The following NEDD4L variants were observed in gnomAD, a reference collection of about 807,000 sequenced individuals.
NEDD4L encodes NEDD4 like E3 ubiquitin protein ligase.
A neutral mutation model predicts 148.9 loss-of-function variants in NEDD4L; 54 were observed. That is an observed-to-expected ratio of 0.36 (90% CI 0.29 to 0.45). The LOEUF is 0.45. NEDD4L is among the 20% of genes least tolerant of loss of function. The pLI is 1.00. For synonymous variants in NEDD4L, 433 were observed against 440.7 expected (o/e 0.98, Z 0.22); for missense variants, 856 against 1,233.8 (o/e 0.69, Z 4.59).
At chr18:58,297,797 T>C (rs1046055359) in intron 5 of NEDD4L, among the ~76,000 whole-genome samples, 1 of 152,186 alleles carries the variant, frequency 6.6e-6, no homozygotes, top group Non-Finnish European at 1.5e-5. Flanking sequence ...TTGGTAAATA[T>C]CTCTGTGTGC....
In NEDD4L at chr18:58,386,769, G is replaced by A. The variant is rs145088076; in HGVS notation, c.2488-670G>A. Among the ~76,000 whole-genome samples, 43 of 152,298 alleles carry A rather than the reference G, an allele frequency of 2.8e-4. No homozygotes were observed. In the East Asian group the frequency reaches 4.8e-3, roughly 17 times the overall value. ...TCACTCAGGTACCTACACAGGATGC[G>A]TGAAAGCCCGGGCAGCACACTCAGA... On this transcript the variant is annotated intron_variant, in intron 26 of 30. Coordinates refer to ENST00000400345, the MANE Select transcript of NEDD4L (RefSeq NM_001144967.3).
chr18:58,361,389 T>G (rs8085125), intron 19 of NEDD4L, among the ~76,000 whole-genome samples: 51,274 of 152,120 alleles, frequency 0.34, 9,257 homozygotes, highest in African/African-American at 0.46. Context: ...GTAAGTGATG[T>G]TCACACATGC....
At chr18:58,308,528 G>A (rs1048784214) in intron 5 of NEDD4L, among the ~76,000 whole-genome samples, 4 of 152,222 alleles carry the variant, frequency 2.6e-5, no homozygotes, top group Admixed American at 6.5e-5. Flanking sequence ...AGAGGCAGTC[G>A]TTTCCCCTAG....
intron 5 of NEDD4L, 104 bp from the exon 6 acceptor site, chr18:58,315,877 GC>G: frequency 2.0e-6 from 2 of 1,019,886 alleles, no homozygotes; most frequent in Middle Eastern, 2.0e-4. Flanking sequence ...ACATTCCAGT[GC>G]CAGGCCCTGG....
At position 58,398,522 on chromosome 18, in the gene NEDD4L, A is replaced by C. The variant is rs926606322; in HGVS notation, c.*2253A>C. ...AGTATAAAAGAAAAATCATTCTGAC[A>C]ATTTCTAAGCCAGAAGCAAACAAGA... On this transcript the variant is annotated 3_prime_UTR_variant, in exon 31 of 31. Transcript: ENST00000400345. 3 of 152,236 alleles carry C rather than the reference A, an allele frequency of 2.0e-5. No homozygotes were observed. Among genetic ancestry groups the C allele is most frequent in the Non-Finnish European group, 4.4e-5 (3 of 68,044 alleles). 9.4% of individuals were successfully genotyped at this position (152,236 alleles called of 1,614,324 possible). A position where few individuals can be genotyped will look rare whatever the true frequency, so the allele number is the denominator to read the frequency against.
chr18:58,092,625 C>T (rs1319595885), intron 1 of NEDD4L, among the ~76,000 whole-genome samples: 1 of 151,926 alleles, frequency 6.6e-6, no homozygotes, highest in Non-Finnish European at 1.5e-5. Flanking sequence ...ACTGGCTCTG[C>T]AAGCCACTCA....
At chr18:58,159,952 A>T (rs1599218777) in intron 1 of NEDD4L, among the ~76,000 whole-genome samples, 1 of 152,370 alleles carries the variant, frequency 6.6e-6, no homozygotes, top group East Asian at 1.9e-4. Flanking sequence ...CTGGGGTCAC[A>T]GTGGCTCCCT....
intron 5 of NEDD4L, among the ~76,000 whole-genome samples, chr18:58,281,751 C>T (rs1295504104): frequency 1.3e-5 from 2 of 151,746 alleles, no homozygotes; most frequent in African/African-American, 2.4e-5. Flanking sequence ...GTTGGCTGGG[C>T]GCGGTGGCTC....
chr18:58,095,402 G>A (rs541925874), intron 1 of NEDD4L, among the ~76,000 whole-genome samples: 1 of 152,320 alleles, frequency 6.6e-6, no homozygotes, highest in African/African-American at 2.4e-5. Context: ...AGCCAGTTCG[G>A]GCAGAGGGAG....
intron 16 of NEDD4L, among the ~76,000 whole-genome samples, chr18:58,343,488 A>G (rs967851537): frequency 1.3e-5 from 2 of 152,168 alleles, no homozygotes; most frequent in African/African-American, 4.8e-5. Context: ...TTCTTCTTGC[A>G]CTTTCATTGG....
rs1219505547 is a variant in NEDD4L, at chr18:58,397,169, G to GT, written c.*903dup. The GT allele has an allele frequency of 6.6e-6, 1 of 152,600 alleles. No individual in the cohort carries two copies. Among genetic ancestry groups the GT allele is most frequent in the Non-Finnish European group, 1.5e-5 (1 of 68,038 alleles). The allele number at this position is 152,600 out of a possible 1,614,324, so 9.5% of individuals were successfully genotyped here. A position where few individuals can be genotyped will look rare whatever the true frequency, so the allele number is the denominator to read the frequency against. ...TCTTTTATTCTATTTCCTCTTTGCT[G>GT]TTTGTAGTAGAGACATTTTGAATGA... On this transcript the variant is annotated 3_prime_UTR_variant, in exon 31 of 31. Transcript: ENST00000400345.
rs1330224857 is a variant in NEDD4L, at chr18:58,341,126, A to G, written c.1214A>G (p.Asn405Ser). The stretch of plus-strand genomic sequence containing the variant: ...GCTAAGGGGCGCACATACTATGTCA[A>G]TCATAACAATCGAACCACAACTTGG... ...KDAKGRTYYV[N>S]HNNRTTTWTR... The change falls in exon 14 of 31, where the codon AAT becomes AGT. Residue 405 changes from asparagine (N) to serine (S), a missense_variant. Around this residue, in one of 4 missense-constraint regions of NEDD4L, gnomAD observed 367 missense variants for 422.7 expected, o/e 0.87. Coordinates refer to ENST00000400345, the MANE Select transcript of NEDD4L (RefSeq NM_001144967.3). 4.3e-6 allele frequency: 7 copies of G among 1,612,832 alleles called. No homozygotes were observed. The highest frequency in any genetic ancestry group is 1.6e-4 in the Middle Eastern group (1 of 6,062).
intron 9 of NEDD4L, among the ~76,000 whole-genome samples, chr18:58,325,802 G>GT (rs2059263435): frequency 1.3e-5 from 2 of 152,196 alleles, no homozygotes; most frequent in Admixed American, 6.5e-5. Flanking sequence ...ATAAACACTG[G>GT]TTAAAACTCA....
intron 1 of NEDD4L, among the ~76,000 whole-genome samples, chr18:58,067,904 G>A (rs543970739): frequency 2.5e-4 from 38 of 152,284 alleles, no homozygotes; most frequent in Middle Eastern, 3.4e-3. Flanking sequence ...GACTTTGAAG[G>A]GCTGGGACTT....
intron 2 of NEDD4L, among the ~76,000 whole-genome samples, chr18:58,211,982 T>C (rs1234357581): frequency 2.6e-5 from 4 of 152,166 alleles, no homozygotes; most frequent in African/African-American, 9.7e-5. Flanking sequence ...TCCCGGAATC[T>C]TCAAACACTT....
chr18:58,354,204 A>G (rs969019140), intron 18 of NEDD4L, among the ~76,000 whole-genome samples: 2 of 152,218 alleles, frequency 1.3e-5, no homozygotes, highest in African/African-American at 4.8e-5. Flanking sequence ...CATTCTTCTT[A>G]AAGACCAGAC....
intron 5 of NEDD4L, among the ~76,000 whole-genome samples, chr18:58,313,686 A>G (rs965352807): frequency 6.6e-6 from 1 of 152,192 alleles, no homozygotes; most frequent in Non-Finnish European, 1.5e-5. Context: ...CGAGAACTAG[A>G]CGCAGCCTTG....
At chr18:58,346,744 C>T (rs999279049) in intron 16 of NEDD4L, among the ~76,000 whole-genome samples, 5 of 152,124 alleles carry the variant, frequency 3.3e-5, no homozygotes, top group Non-Finnish European at 4.4e-5. Context: ...AAAGAGTTCC[C>T]GTTATGAAAC....
At chr18:58,326,137 A>G (rs1324825993) in intron 9 of NEDD4L, among the ~76,000 whole-genome samples, 1 of 152,206 alleles carries the variant, frequency 6.6e-6, no homozygotes, top group Non-Finnish European at 1.5e-5. Context: ...ATCTTTAGAA[A>G]TTGTAAAGAT....
Sources: gnomAD v4.1 joint callset for allele counts (sites outside exome capture counted in the v4.1 genomes callset) on GRCh38, gnomAD v4.1.1 for gene constraint, gnomAD v4.1.1 regional missense constraint, MANE v1.5 for transcripts, NCBI Gene and HGNC (gene_info 2026-07-23, HGNC 2026-07-21) for gene names.